PSEN2: variants seen among roughly 807,000 people sequenced by gnomAD.
The protein encoded by PSEN2 is presenilin 2.
A neutral mutation model predicts 49.1 loss-of-function variants in PSEN2; 32 were observed. The ratio of observed to expected loss-of-function variants is 0.65; its 90% confidence interval spans 0.49 to 0.88. PSEN2 has a LOEUF of 0.88. PSEN2 is among the 40% of genes least tolerant of loss of function. PSEN2 has a pLI of 0.00. For missense variants in PSEN2, 522 were observed against 586.9 expected (o/e 0.89, Z 1.14); for synonymous variants, 255 against 244.0 (o/e 1.05, Z -0.42).
intron 9 of PSEN2, chr1:226,890,954 A>T (rs747088530): frequency 7.7e-6 from 3 of 387,766 alleles, no homozygotes; most frequent in Non-Finnish European, 1.4e-5. Flanking sequence ...AGCGGAGACC[A>T]TGTATGGAAA....
chr1:226,896,960 C>G (rs1429476848), downstream of PSEN2, among the ~76,000 whole-genome samples: 1 of 152,112 alleles, frequency 6.6e-6, no homozygotes, highest in Admixed American at 6.6e-5. Context: ...AATTGTGTAT[C>G]TTGACATTTG....
downstream of PSEN2, chr1:226,897,713 G>C (rs568101194): frequency 1.2e-4 from 19 of 155,560 alleles, no homozygotes; most frequent in African/African-American, 4.6e-4. Flanking sequence ...TTCCATATTT[G>C]CTCCAGATTT....
chr1:226,880,840 G>C, intron 3 of PSEN2: 1 of 1,532,514 alleles, frequency 6.5e-7, no homozygotes, highest in South Asian at 1.2e-5. Context: ...CCCGCCCTCA[G>C]TGGCACTTCC....
At chr1:226,887,783 C>T (rs1661458494) in intron 6 of PSEN2, among the ~76,000 whole-genome samples, 1 of 152,134 alleles carries the variant, frequency 6.6e-6, no homozygotes, top group East Asian at 1.9e-4. Flanking sequence ...TAGAACAGTG[C>T]CTGGCAAGTA....
intron 12 of PSEN2, among the ~76,000 whole-genome samples, chr1:226,902,353 C>T (rs1029171160): frequency 1.3e-5 from 2 of 152,128 alleles, no homozygotes; most frequent in African/African-American, 2.4e-5. Context: ...GGTACTGGTC[C>T]ATGGCCTGGG....
At chr1:226,892,973 C>T (rs1661861536) in intron 11 of PSEN2, among the ~76,000 whole-genome samples, 1 of 152,186 alleles carries the variant, frequency 6.6e-6, no homozygotes, top group South Asian at 2.1e-4. Flanking sequence ...CGCTCTGTTG[C>T]CCAGGCTGGA....
At chr1:226,897,773 C>T (rs1047008201), downstream of PSEN2, 1 of 155,484 alleles carries the variant, frequency 6.4e-6, no homozygotes, top group Non-Finnish European at 1.5e-5. Context: ...TATGTGGCCC[C>T]AGTCCTGTTG....
At chr1:226,877,931 T>G (rs560937821) in intron 3 of PSEN2, among the ~76,000 whole-genome samples, 22 of 152,284 alleles carry the variant, frequency 1.4e-4, no homozygotes, top group African/African-American at 5.3e-4. Context: ...ACCAGGTCAC[T>G]GTCTAGACCA....
intron 3 of PSEN2, among the ~76,000 whole-genome samples, chr1:226,876,144 G>A (rs1377956549): frequency 2.0e-5 from 3 of 151,906 alleles, no homozygotes; most frequent in South Asian, 2.1e-4. Context: ...TCGCGTCACC[G>A]GCACTCTAAT....
At chr1:226,873,951 CT>C (rs1660465877) in intron 2 of PSEN2, among the ~76,000 whole-genome samples, 1 of 152,168 alleles carries the variant, frequency 6.6e-6, no homozygotes, top group Non-Finnish European at 1.5e-5. Flanking sequence ...CCCACCCTCC[CT>C]TTTGCCCCAG....
Position 226,888,116 on chromosome 1 carries a change from C to G in PSEN2, c.524C>G (p.Ser175Cys), listed in dbSNP as rs775145486. The G allele has an allele frequency of 6.2e-7, 1 of 1,613,924 alleles. No homozygotes were observed. ...TTCATCCATGGCTGGTTGATCATGT[C>G]TTCACTGATGCTGCTGTTCCTCTTC... ...YKFIHGWLIMSSLMLLFLFTY... is the reference protein window; with the variant it reads ...YKFIHGWLIMCSLMLLFLFTY... Residue 175 changes from serine (S) to cysteine (C), a missense_variant, in exon 7 of 13, where the codon TCT becomes TGT. Physicochemically the swap from Ser to Cys is moderately radical, Grantham distance 112. Transcript: ENST00000366783.
chr1:226,903,080 A>G (rs370499717), intron 12 of PSEN2, among the ~76,000 whole-genome samples: 1 of 147,744 alleles, frequency 6.8e-6, no homozygotes, highest in Non-Finnish European at 1.5e-5. Context: ...TAACATTCTC[A>G]TACTAAAACA....
intron 3 of PSEN2, chr1:226,880,792 T>C: frequency 1.9e-6 from 3 of 1,605,232 alleles, no homozygotes; most frequent in Non-Finnish European, 2.6e-6. Flanking sequence ...GGGGGCAGGC[T>C]TCCCTCCTGT....
intron 3 of PSEN2, among the ~76,000 whole-genome samples, chr1:226,876,137 C>T (rs989967581): frequency 3.1e-4 from 47 of 152,078 alleles, no homozygotes; most frequent in Non-Finnish European, 2.8e-4. Context: ...GAGTTCATCG[C>T]GTCACCGGCA....
At chr1:226,874,440 G>C (rs903049112) in intron 2 of PSEN2, among the ~76,000 whole-genome samples, 9 of 152,188 alleles carry the variant, frequency 5.9e-5, no homozygotes, top group African/African-American at 1.9e-4. Context: ...GTCCTTGCCA[G>C]CTCTGACATT....
Position 226,891,266 on chromosome 1 carries a change from C to G in PSEN2, c.887-12C>G, listed in dbSNP as rs761384293. 1 of 1,612,934 alleles carries G rather than the reference C, an allele frequency of 6.2e-7. No individual in the cohort carries two copies. The highest frequency in any genetic ancestry group is 1.1e-5 in the South Asian group (1 of 90,680). ...GCACCGCCTGAGATGTGAACCTTTT[C>G]TCCTCCCCCAGCTGCCATGGTGTGG... On this transcript the variant is annotated splice_polypyrimidine_tract_variant and intron_variant, in intron 9 of 12. Transcript: ENST00000366783.
chr1:226,891,603 C>G, intron 10 of PSEN2, 140 bp from the exon 11 acceptor site: 2 of 841,284 alleles, frequency 2.4e-6, no homozygotes, highest in Non-Finnish European at 4.0e-6. Flanking sequence ...GGGGGAAGCC[C>G]TGGTGTCAGG....
intron 6 of PSEN2, 36 bp from the exon 7 acceptor site, chr1:226,888,055 G>A: frequency 6.4e-7 from 1 of 1,572,600 alleles, no homozygotes; most frequent in Non-Finnish European, 8.8e-7. Flanking sequence ...GTGGCGCTTG[G>A]GGACACCTTG....
chr1:226,885,400 C>G, intron 5 of PSEN2, 138 bp from the exon 6 acceptor site: 3 of 941,696 alleles, frequency 3.2e-6, no homozygotes, highest in Non-Finnish European at 4.8e-6. Context: ...GGGGATGGTG[C>G]CCGCACTCCA....
Sources: allele counts gnomAD v4.1 joint callset (sites outside exome capture counted in the v4.1 genomes callset), GRCh38; gene constraint gnomAD v4.1.1; transcripts MANE v1.5; gene names NCBI Gene and HGNC (gene_info 2026-07-23, HGNC 2026-07-21).